The following CLSTN2 variants were observed in gnomAD, a reference collection of about 807,000 sequenced individuals.
The protein encoded by CLSTN2 is calsyntenin-2.
CLSTN2 carries 48 observed loss-of-function variants against 101.2 expected under a neutral mutation model. The ratio of observed to expected loss-of-function variants is 0.47; its 90% CI spans 0.38 to 0.60. The LOEUF is 0.60. Among genes scored for constraint, CLSTN2 ranks in the 20% least tolerant of loss-of-function variants. The pLI is 0.00. For synonymous variants in CLSTN2, 481 were observed against 463.6 expected (o/e 1.04, Z -0.48); for missense variants, 1,160 against 1,238.2 (o/e 0.94, Z 0.95).
chr3:140,084,355 A>C (rs115418440), intron 1 of CLSTN2, among the ~76,000 whole-genome samples: 1 of 152,220 alleles, frequency 6.6e-6, no homozygotes, highest in African/African-American at 2.4e-5. Flanking sequence ...AGTACTGGGC[A>C]GGGAATAGGA....
chr3:140,057,395 C>T (rs1009027440), intron 1 of CLSTN2, among the ~76,000 whole-genome samples: 2 of 152,166 alleles, frequency 1.3e-5, no homozygotes, highest in African/African-American at 4.8e-5. Flanking sequence ...AAGAAATGGT[C>T]GCTTTTCATA....
intron 8 of CLSTN2, chr3:140,508,926 T>G (rs1934740960): frequency 1.3e-5 from 2 of 151,112 alleles, no homozygotes; most frequent in Non-Finnish European, 3.0e-5. Context: ...TTTTTTTGAG[T>G]GGGGGCTCAC....
intron 1 of CLSTN2, among the ~76,000 whole-genome samples, chr3:140,025,419 G>C (rs2007398292): frequency 6.6e-6 from 1 of 152,166 alleles, no homozygotes; most frequent in Non-Finnish European, 1.5e-5. Flanking sequence ...CCAGCTTTGT[G>C]ACCTTCCACA....
At chr3:140,286,260 ACCTGG>A (rs887001896) in intron 2 of CLSTN2, among the ~76,000 whole-genome samples, 2 of 152,158 alleles carry the variant, frequency 1.3e-5, no homozygotes, top group African/African-American at 4.8e-5. Flanking sequence ...TTTTATTCAT[ACCTGG>A]CTGTGGTTTT....
At chr3:140,287,208 G>A (rs1559829318) in intron 2 of CLSTN2, among the ~76,000 whole-genome samples, 3 of 152,158 alleles carry the variant, frequency 2.0e-5, no homozygotes, top group Non-Finnish European at 4.4e-5. Flanking sequence ...ATACAAAGCA[G>A]TAAATTACTG....
chr3:140,177,155 A>G (rs2010337748), intron 2 of CLSTN2, among the ~76,000 whole-genome samples: 1 of 152,212 alleles, frequency 6.6e-6, no homozygotes. Flanking sequence ...TCTCAGAAGA[A>G]AGCTTTATTT....
chr3:140,088,353 C>T (rs2107784382), intron 1 of CLSTN2, among the ~76,000 whole-genome samples: 1 of 152,298 alleles, frequency 6.6e-6, no homozygotes, highest in African/African-American at 2.4e-5. Context: ...GGGTCTCCTT[C>T]ATTCTTGTGC....
chr3:139,998,403 A>ATCTT (rs71149005), intron 1 of CLSTN2, among the ~76,000 whole-genome samples: 1 of 135,308 alleles, frequency 7.4e-6, no homozygotes, highest in Admixed American at 7.5e-5. Flanking sequence ...CAGTGGCGCG[A>ATCTT]GGCTCACTGC....
chr3:140,342,284 C>G (rs1453815981), intron 2 of CLSTN2, among the ~76,000 whole-genome samples: 2 of 152,154 alleles, frequency 1.3e-5, no homozygotes, highest in Non-Finnish European at 2.9e-5. Flanking sequence ...ATGACAATAG[C>G]ACCACTCCCT....
intron 2 of CLSTN2, among the ~76,000 whole-genome samples, chr3:140,286,121 T>A (rs765876848): frequency 2.9e-4 from 44 of 152,224 alleles, no homozygotes; most frequent in Middle Eastern, 3.4e-3. Flanking sequence ...TATCCCCAAT[T>A]TCTGAGCAGC....
intron 8 of CLSTN2, among the ~76,000 whole-genome samples, chr3:140,496,182 C>G (rs1035262110): frequency 6.6e-6 from 1 of 152,092 alleles, no homozygotes; most frequent in Non-Finnish European, 1.5e-5. Context: ...TCTTTCACTT[C>G]CCTTGTTAGC....
intron 9 of CLSTN2, among the ~76,000 whole-genome samples, chr3:140,543,089 G>A (rs1935517486): frequency 6.6e-6 from 1 of 152,146 alleles, no homozygotes; most frequent in South Asian, 2.1e-4. Flanking sequence ...ATGAGATGAT[G>A]TACCCTGAGG....
chr3:140,382,440 A>T (rs6769101), intron 2 of CLSTN2, among the ~76,000 whole-genome samples: 143,691 of 152,272 alleles, frequency 0.94, 68,366 homozygotes, highest in East Asian at 1. Flanking sequence ...GGAAAATGAA[A>T]GGTTTATAGT....
At chr3:140,021,335 T>A (rs886081479) in intron 1 of CLSTN2, among the ~76,000 whole-genome samples, 3 of 152,086 alleles carry the variant, frequency 2.0e-5, no homozygotes, top group Admixed American at 6.5e-5. Context: ...CTGGGAGAAG[T>A]GGATTCTAAT....
intron 2 of CLSTN2, among the ~76,000 whole-genome samples, chr3:140,316,382 C>G (rs1469172843): frequency 6.6e-6 from 1 of 152,188 alleles, no homozygotes; most frequent in Non-Finnish European, 1.5e-5. Flanking sequence ...GAATCGTGAT[C>G]AAGTCCAAAT....
chr3:140,436,927 G>A (rs2088693724), intron 5 of CLSTN2, among the ~76,000 whole-genome samples: 2 of 152,052 alleles, frequency 1.3e-5, no homozygotes, highest in Admixed American at 6.6e-5. Flanking sequence ...CCCTCTCTGT[G>A]TTCCCCAGTG....
intron 5 of CLSTN2, among the ~76,000 whole-genome samples, chr3:140,440,188 A>G (rs1311630767): frequency 1.3e-5 from 2 of 152,180 alleles, no homozygotes; most frequent in East Asian, 1.9e-4. Context: ...GACCAGCCCT[A>G]GGAAGGGCAG....
At chr3:139,949,280 T>C (rs139990582) in intron 1 of CLSTN2, among the ~76,000 whole-genome samples, 2 of 152,188 alleles carry the variant, frequency 1.3e-5, no homozygotes, top group Non-Finnish European at 2.9e-5. Flanking sequence ...AGTAGGTGGA[T>C]GAATGATGGA....
At chr3:140,441,001 A>G (rs774151552) in intron 5 of CLSTN2, among the ~76,000 whole-genome samples, 2 of 152,266 alleles carry the variant, frequency 1.3e-5, no homozygotes, top group Non-Finnish European at 2.9e-5. Flanking sequence ...TTGCAGATCC[A>G]GGGTTGAAGG....
Sources: allele counts gnomAD v4.1 joint callset (sites outside exome capture counted in the v4.1 genomes callset), GRCh38; gene constraint gnomAD v4.1.1; transcripts MANE v1.5; gene names NCBI Gene and HGNC (gene_info 2026-07-23, HGNC 2026-07-21).